The following LUC7L2 variants were observed in gnomAD, a reference collection of about 807,000 sequenced individuals.
LUC7L2 encodes putative RNA-binding protein Luc7-like 2.
A neutral mutation model predicts 52.8 loss-of-function variants in LUC7L2; 25 were observed. That is an observed-to-expected ratio of 0.47 (90% CI 0.34 to 0.66). The LOEUF is 0.66. LUC7L2 is among the 30% of genes least tolerant of loss of function. The pLI is 0.01. For synonymous variants in LUC7L2, 144 were observed against 160.9 expected, an observed-to-expected ratio of 0.89 and a Z score of 0.80; for missense variants, 328 against 497.8, an observed-to-expected ratio of 0.66 and a Z score of 3.25.
intron 2 of LUC7L2, among the ~76,000 whole-genome samples, chr7:139,394,907 G>A (rs1281744336): frequency 1.3e-5 from 2 of 152,140 alleles, no homozygotes; most frequent in African/African-American, 2.4e-5. Context: ...TCAGTGAGTG[G>A]TTCTCAACAT....
At chr7:139,350,887 G>T (rs1272595543) in intron 1 of LUC7L2, among the ~76,000 whole-genome samples, 3 of 152,032 alleles carry the variant, frequency 2.0e-5, no homozygotes, top group East Asian at 3.9e-4. Context: ...TGTTGGCCAG[G>T]CTGGTCTCCG....
At chr7:139,346,506 G>A (rs551858260) in intron 1 of LUC7L2, among the ~76,000 whole-genome samples, 16 of 152,314 alleles carry the variant, frequency 1.1e-4, no homozygotes, top group African/African-American at 3.1e-4. Flanking sequence ...TAGGGACATT[G>A]AGGAGAGTTA....
At chr7:139,389,614 A>G (rs1794343184) in intron 2 of LUC7L2, among the ~76,000 whole-genome samples, 1 of 152,206 alleles carries the variant, frequency 6.6e-6, no homozygotes, top group Non-Finnish European at 1.5e-5. Context: ...TTGCTTGAAA[A>G]TGGAAGCATT....
chr7:139,359,884 G>A (rs561816294), upstream of LUC7L2: 9 of 416,664 alleles, frequency 2.2e-5, no homozygotes, highest in African/African-American at 6.1e-5. Context: ...TGAGCGCGAG[G>A]AGCGTGCGCG....
At chr7:139,391,512 TA>T (rs1219228017) in intron 2 of LUC7L2, among the ~76,000 whole-genome samples, 1 of 152,222 alleles carries the variant, frequency 6.6e-6, no homozygotes, top group Non-Finnish European at 1.5e-5. Flanking sequence ...TGCTCTACTG[TA>T]ATATGTCTAT....
chr7:139,376,459 ATTTTTAAAGTTCC>A (rs1569373810), intron 2 of LUC7L2, among the ~76,000 whole-genome samples: 1 of 152,164 alleles, frequency 6.6e-6, no homozygotes, highest in African/African-American at 2.4e-5. Flanking sequence ...AAAATAATTT[ATTTTTAAAGTTCC>A]TTTTACTGTT....
At position 139,341,051 on chromosome 7, in the gene LUC7L2, G is replaced by A. The variant is rs191830702; in HGVS notation, c.-26+534G>A. On this transcript the variant is annotated intron_variant, in intron 1 of 10. Transcript: ENST00000541170. ...AAATCCACACCCACACCCCCCGCCG[G>A]GCCCGCTTCTCCTGAGACTCAGCGG... 1,815 of 236,688 alleles carry A rather than the reference G, an allele frequency of 7.7e-3. 12 individuals are homozygous for A. The highest frequency in any genetic ancestry group is 0.012 in the South Asian group (102 of 8,384). The allele number at this position is 236,688 out of a possible 1,614,324, so 14.7% of individuals were successfully genotyped here.
intron 1 of LUC7L2, among the ~76,000 whole-genome samples, chr7:139,366,833 CAG>C (rs2131191477): frequency 6.6e-6 from 1 of 152,248 alleles, no homozygotes; most frequent in South Asian, 2.1e-4. Context: ...CCTACTGAGT[CAG>C]AAATTCTGGA....
intron 2 of LUC7L2, among the ~76,000 whole-genome samples, chr7:139,389,848 C>T (rs1232621131): frequency 6.6e-6 from 1 of 152,190 alleles, no homozygotes; most frequent in Non-Finnish European, 1.5e-5. Flanking sequence ...AGTAGGTTGA[C>T]AGCCTGCCTT....
intron 1 of LUC7L2, chr7:139,346,240 T>G (rs1203222846): frequency 1.0e-5 from 1 of 99,696 alleles, no homozygotes; most frequent in African/African-American, 8.8e-5. Flanking sequence ...AAACTCTGTC[T>G]CAAAAAAAAA....
chr7:139,353,572 C>T (rs1049127411), intron 1 of LUC7L2, among the ~76,000 whole-genome samples: 2 of 152,086 alleles, frequency 1.3e-5, no homozygotes, highest in Non-Finnish European at 2.9e-5. Context: ...GAGGCCAAGG[C>T]GGGTGGATCA....
chr7:139,411,960 C>A (rs1795378906), intron 7 of LUC7L2, among the ~76,000 whole-genome samples: 1 of 151,866 alleles, frequency 6.6e-6, no homozygotes, highest in African/African-American at 2.4e-5. Flanking sequence ...ATCCCAAATC[C>A]AAAAAATGAA....
At chr7:139,359,883 G>C (rs1453107954), upstream of LUC7L2, 2 of 415,228 alleles carry the variant, frequency 4.8e-6, no homozygotes, top group East Asian at 7.1e-5. Context: ...CTGAGCGCGA[G>C]GAGCGTGCGC....
intron 9 of LUC7L2, among the ~76,000 whole-genome samples, chr7:139,419,130 C>CA (rs571694948): frequency 0.12 from 16,350 of 139,162 alleles, 2,452 homozygotes; most frequent in African/African-American, 0.37. Flanking sequence ...AAAAAACAAA[C>CA]AAAAAAAAAA....
upstream of LUC7L2, among the ~76,000 whole-genome samples, chr7:139,356,673 G>A (rs964261271): frequency 2.6e-5 from 4 of 151,884 alleles, no homozygotes; most frequent in Non-Finnish European, 4.4e-5. Flanking sequence ...ACACAGTATG[G>A]GATCCCTCAC....
At chr7:139,363,976 CTTTTTTTTT>C (rs1169793101) in intron 1 of LUC7L2, among the ~76,000 whole-genome samples, 76 of 96,092 alleles carry the variant, frequency 7.9e-4, no homozygotes, top group Non-Finnish European at 8.9e-4. Context: ...AGATTACATC[CTTTTTTTTT>C]TTTTTTTTTT....
At chr7:139,355,967 C>G (rs1217868293), upstream of LUC7L2, among the ~76,000 whole-genome samples, 1 of 152,124 alleles carries the variant, frequency 6.6e-6, no homozygotes, top group Non-Finnish European at 1.5e-5. Flanking sequence ...GAACTGACTT[C>G]TTAGGAGCAG....
At chr7:139,385,835 A>G (rs936014651) in intron 2 of LUC7L2, among the ~76,000 whole-genome samples, 6 of 152,320 alleles carry the variant, frequency 3.9e-5, no homozygotes, top group Non-Finnish European at 8.8e-5. Context: ...TGGACCCTCC[A>G]GATGTTTTTT....
chr7:139,383,622 G>A (rs916910572), intron 2 of LUC7L2, among the ~76,000 whole-genome samples: 3 of 151,168 alleles, frequency 2.0e-5, no homozygotes, highest in African/African-American at 7.3e-5. Flanking sequence ...CACCATGTTA[G>A]CCAGGCTGGT....
Sources: allele counts gnomAD v4.1 joint callset (sites outside exome capture counted in the v4.1 genomes callset), GRCh38; gene constraint gnomAD v4.1.1; transcripts MANE v1.5; gene names NCBI Gene and HGNC (gene_info 2026-07-23, HGNC 2026-07-21).